The following WFDC10B variants were observed in gnomAD, a reference collection of about 807,000 sequenced individuals.
WFDC10B encodes the protein protein WFDC10B.
WFDC10B carries 1 observed loss-of-function variant against 2.7 expected under a neutral mutation model. That is an observed-to-expected ratio of 0.38 (90% CI 0.13 to 1.79). The LOEUF (loss-of-function observed/expected upper bound fraction) is 1.79, where lower values mean the gene tolerates loss of function less well. Ranked by LOEUF, WFDC10B falls within the 40% of genes most tolerant of loss-of-function variation. The pLI is 0.33. For synonymous variants in WFDC10B, 26 were observed against 32.2 expected, an observed-to-expected ratio of 0.81 and a Z score of 0.65; for missense variants, 71 against 87.8, an observed-to-expected ratio of 0.81 and a Z score of 0.76.
intron 2 of WFDC10B, among the ~76,000 whole-genome samples, chr20:45,697,868 C>T (rs1016616920): frequency 4.6e-5 from 7 of 151,792 alleles, no homozygotes; most frequent in African/African-American, 1.2e-4. Flanking sequence ...TTCAGCCTCC[C>T]GAGTAGCTGG....
intron 2 of WFDC10B, among the ~76,000 whole-genome samples, chr20:45,689,637 CTGTT>C (rs1450057642): frequency 2.6e-5 from 4 of 152,032 alleles, no homozygotes; most frequent in East Asian, 1.9e-4. Flanking sequence ...ATTTGGCTCT[CTGTT>C]TGTCTGTTAT....
intron 2 of WFDC10B, among the ~76,000 whole-genome samples, chr20:45,697,497 G>A (rs914271866): frequency 4.7e-5 from 7 of 149,468 alleles, no homozygotes; most frequent in East Asian, 2.0e-4. Context: ...GACTATAGGC[G>A]CATGCCACTA....
intron 2 of WFDC10B, among the ~76,000 whole-genome samples, chr20:45,686,941 G>A (rs946288718): frequency 6.6e-5 from 10 of 152,082 alleles, no homozygotes; most frequent in East Asian, 3.9e-4. Context: ...GATTACAGGC[G>A]TGAGCCACCA....
chr20:45,697,806 C>T (rs373095876), intron 2 of WFDC10B, among the ~76,000 whole-genome samples: 62 of 147,066 alleles, frequency 4.2e-4, no homozygotes, highest in Non-Finnish European at 7.3e-4. Context: ...TGCAGTGGCG[C>T]GAGCTCAGCT....
At chr20:45,693,264 CTCAGGAG>C (rs1983874550) in intron 2 of WFDC10B, among the ~76,000 whole-genome samples, 1 of 152,218 alleles carries the variant, frequency 6.6e-6, no homozygotes, top group Non-Finnish European at 1.5e-5. Context: ...AGTTAGGCTG[CTCAGGAG>C]TCAGGGGTCA....
rs372702020 is a variant in WFDC10B at position 45,695,825 on chromosome 20, AAACT to A, written c.-65+8668_-65+8671del. On this transcript the variant is annotated intron_variant, in intron 2 of 3. Transcript: ENST00000330523. The stretch of plus-strand genomic sequence containing the variant: ...CATAAAAAGACCCTGTCTCTACAAA[AAACT>A]AACTAACTGGGCATGGTGGTATGCA... Among the ~76,000 whole-genome samples, 45 of 152,208 alleles carry A rather than the reference AAACT, an allele frequency of 3.0e-4. No homozygotes were observed. The East Asian group carries it at 4.2e-3, about 14-fold the overall frequency.
intron 2 of WFDC10B, among the ~76,000 whole-genome samples, chr20:45,686,624 G>A (rs1357864339): frequency 6.6e-6 from 1 of 151,712 alleles, no homozygotes; most frequent in Admixed American, 6.6e-5. Context: ...AGCCCCTTTA[G>A]GAAGTGGCTA....
chr20:45,692,640 G>T (rs1211451661), intron 2 of WFDC10B, among the ~76,000 whole-genome samples: 2 of 152,166 alleles, frequency 1.3e-5, no homozygotes, highest in Non-Finnish European at 2.9e-5. Context: ...TGAGGCTTCT[G>T]CATTCTTCAT....
intron 2 of WFDC10B, among the ~76,000 whole-genome samples, chr20:45,690,471 G>C (rs1439461708): frequency 6.6e-6 from 1 of 151,392 alleles, no homozygotes; most frequent in Non-Finnish European, 1.5e-5. Flanking sequence ...ATCTGGTCCT[G>C]GACTCTTTTT....
intron 2 of WFDC10B, among the ~76,000 whole-genome samples, chr20:45,687,792 T>C (rs1425250250): frequency 6.6e-6 from 1 of 152,066 alleles, no homozygotes; most frequent in Non-Finnish European, 1.5e-5. Context: ...GCTGCATATA[T>C]GTCTTCTCTT....
chr20:45,700,438 G>C (rs1011481068), intron 2 of WFDC10B, among the ~76,000 whole-genome samples: 8 of 152,244 alleles, frequency 5.3e-5, no homozygotes, highest in African/African-American at 1.9e-4. Context: ...TATGAACATA[G>C]ATGTAAAATA....
At position 45,691,389 on chromosome 20, in the gene WFDC10B, C is replaced by A. The variant is rs1983807571; in HGVS notation, c.-64-5333G>T. ...AGAGCTGAGTTCAATTCCTGGGTATCCTTGTTGACTTTCTGTCTCGTTGAT... is the reference window on the plus strand; with the variant it reads ...AGAGCTGAGTTCAATTCCTGGGTATACTTGTTGACTTTCTGTCTCGTTGAT... On this transcript the variant is annotated intron_variant, in intron 2 of 3. Transcript: ENST00000330523. 6.6e-5 allele frequency among the ~76,000 whole-genome samples: 10 copies of A among 150,464 alleles called. No homozygotes were observed. The South Asian group carries it at 2.1e-3, about 32-fold the overall frequency.
intron 1 of WFDC10B, 104 bp from the exon 2 acceptor site, chr20:45,704,665 C>T: frequency 6.4e-7 from 1 of 1,568,468 alleles, no homozygotes; most frequent in Non-Finnish European, 8.6e-7. Flanking sequence ...AGTCCCTTAC[C>T]AGCAACTGTG....
intron 2 of WFDC10B, among the ~76,000 whole-genome samples, chr20:45,698,934 C>T (rs1389586147): frequency 1.4e-5 from 2 of 141,782 alleles, no homozygotes; most frequent in Non-Finnish European, 3.0e-5. Flanking sequence ...CACCACTGCA[C>T]TCCAGCCTGG....
At chr20:45,688,824 T>A (rs1458874657) in intron 2 of WFDC10B, among the ~76,000 whole-genome samples, 2 of 152,234 alleles carry the variant, frequency 1.3e-5, no homozygotes, top group Non-Finnish European at 2.9e-5. Flanking sequence ...TCTTTTGCTA[T>A]GCAGAAGCTC....
intron 3 of WFDC10B, 120 bp downstream of exon 3, chr20:45,685,782 T>C (rs946447891): frequency 4.1e-5 from 61 of 1,471,480 alleles, no homozygotes; most frequent in Non-Finnish European, 5.2e-5. Context: ...CTGCACAGCA[T>C]TGTGGTCAGA....
intron 2 of WFDC10B, among the ~76,000 whole-genome samples, chr20:45,690,008 T>C (rs1299756644): frequency 6.6e-6 from 1 of 152,052 alleles, no homozygotes; most frequent in Non-Finnish European, 1.5e-5. Context: ...TATTTTGAGA[T>C]ACGTCCCATC....
At chr20:45,685,219 A>C (rs61354378) in intron 3 of WFDC10B, among the ~76,000 whole-genome samples, 1,533 of 152,262 alleles carry the variant, frequency 0.01, 27 homozygotes, top group African/African-American at 0.035. Flanking sequence ...ACCTGCATTC[A>C]GAACTCTGTC....
chr20:45,687,860 TTTATTATTATTATTA>T (rs149834246), intron 2 of WFDC10B, among the ~76,000 whole-genome samples: 6 of 145,342 alleles, frequency 4.1e-5, no homozygotes, highest in African/African-American at 7.7e-5. Flanking sequence ...TGTCTTTTCT[TTTATTATTATTATTA>T]TTATTATTAT....
Sources: gnomAD v4.1 joint callset for allele counts (sites outside exome capture counted in the v4.1 genomes callset) on GRCh38, gnomAD v4.1.1 for gene constraint, MANE v1.5 for transcripts, NCBI Gene and HGNC (gene_info 2026-07-23, HGNC 2026-07-21) for gene names.